S100Z: variants seen among roughly 807,000 people sequenced by gnomAD.
S100Z encodes S100 calcium binding protein Z.
A neutral mutation model predicts 8.5 loss-of-function variants in S100Z; 11 were observed. That is an observed-to-expected ratio of 1.30 (90% confidence interval 0.82 to 2.15). S100Z has a LOEUF of 2.15. Among genes scored for constraint, S100Z ranks in the 30% most tolerant of loss-of-function variants. The pLI is 0.00. For missense variants in S100Z, 126 were observed against 117.9 expected (o/e 1.07, Z -0.32); for synonymous variants, 34 against 43.8 (o/e 0.78, Z 0.89).
chr5:76,950,841 C>G, the S100Z span, among the ~76,000 whole-genome samples: 3 of 152,210 alleles, frequency 2.0e-5, no homozygotes, highest in Non-Finnish European at 4.4e-5. Flanking sequence ...AGTCTTCACA[C>G]ATAGGCCTAC....
intron 4 of S100Z, among the ~76,000 whole-genome samples, chr5:76,915,054 C>T (rs1157323605): frequency 6.6e-6 from 1 of 152,156 alleles, no homozygotes; most frequent in Non-Finnish European, 1.5e-5. Context: ...GCCTGCAATC[C>T]CAGCACTTTG....
At chr5:76,944,100 A>G in the S100Z span, among the ~76,000 whole-genome samples, 1 of 151,276 alleles carries the variant, frequency 6.6e-6, no homozygotes, top group Non-Finnish European at 1.5e-5. Context: ...CTTGCTCCCC[A>G]CCTTGTGCTG....
intron 4 of S100Z, among the ~76,000 whole-genome samples, chr5:76,901,167 G>T (rs1744214525): frequency 6.6e-6 from 1 of 150,978 alleles, no homozygotes; most frequent in African/African-American, 2.4e-5. Flanking sequence ...GACTGTGCTG[G>T]GTCAAACCTG....
chr5:76,878,462 G>C (rs563720976), intron 4 of S100Z, among the ~76,000 whole-genome samples: 2 of 152,166 alleles, frequency 1.3e-5, no homozygotes, highest in Non-Finnish European at 2.9e-5. Context: ...ATTTCCCACT[G>C]TTTCCCCCTG....
chr5:76,855,494 T>A (rs77517580), intron 1 of S100Z, among the ~76,000 whole-genome samples: 4,936 of 152,244 alleles, frequency 0.032, 125 homozygotes, highest in African/African-American at 0.069. Flanking sequence ...AGAGATTATT[T>A]TGGAGCTTTA....
At chr5:76,854,355 C>A (rs1263700399) in intron 1 of S100Z, among the ~76,000 whole-genome samples, 1 of 152,036 alleles carries the variant, frequency 6.6e-6, no homozygotes, top group Admixed American at 6.6e-5. Flanking sequence ...TGGTAGTGAC[C>A]AAAATGCTGA....
At chr5:76,944,529 G>T in the S100Z span, among the ~76,000 whole-genome samples, 6 of 152,198 alleles carry the variant, frequency 3.9e-5, no homozygotes, top group Admixed American at 3.3e-4. Flanking sequence ...AAAGAAGGAA[G>T]GAGGGTGGGT....
chr5:76,944,007 GTTT>G, the S100Z span, among the ~76,000 whole-genome samples: 1 of 150,280 alleles, frequency 6.7e-6, no homozygotes, highest in Non-Finnish European at 1.5e-5. Context: ...TCATGACTGA[GTTT>G]TTTTTTTGGC....
intron 1 of S100Z, among the ~76,000 whole-genome samples, chr5:76,863,207 C>G (rs1751117654): frequency 6.6e-6 from 1 of 152,208 alleles, no homozygotes; most frequent in African/African-American, 2.4e-5. Context: ...AGTCAAGGCT[C>G]TCCTTGAACT....
intron 4 of S100Z, among the ~76,000 whole-genome samples, chr5:76,883,114 C>A (rs1276335002): frequency 2.6e-5 from 4 of 152,038 alleles, no homozygotes; most frequent in Non-Finnish European, 5.9e-5. Context: ...CCTTTTAAAG[C>A]ATGCTGTGGG....
chr5:76,933,664 TA>T, the S100Z span, among the ~76,000 whole-genome samples: 1 of 152,260 alleles, frequency 6.6e-6, no homozygotes, highest in Non-Finnish European at 1.5e-5. Flanking sequence ...TTATTGTTCC[TA>T]TTTTTTAAGA....
chr5:76,867,000 C>T (rs1460864683), intron 1 of S100Z, among the ~76,000 whole-genome samples: 1 of 152,040 alleles, frequency 6.6e-6, no homozygotes, highest in Non-Finnish European at 1.5e-5. Context: ...ATGATTTTAT[C>T]TTTTGTCAGA....
chr5:76,921,226 T>A lies in S100Z; in HGVS notation c.*512T>A, dbSNP rs546751516. ...CCAGCTTAATAAATATACAACTGTA[T>A]TATTATTTTTGTCTGAATAGTATTT... On this transcript the variant is annotated 3_prime_UTR_variant, in exon 5 of 5. Transcript: ENST00000317593. 6 of 152,336 alleles carry A rather than the reference T, an allele frequency of 3.9e-5. No individual in the cohort carries two copies. Among genetic ancestry groups the A allele is most frequent in the Middle Eastern group, 6.8e-3 (2 of 294 alleles). 9.4% of individuals were successfully genotyped at this position (152,336 alleles called of 1,614,324 possible).
chr5:76,876,474 T>C (rs1461542328), intron 3 of S100Z, among the ~76,000 whole-genome samples: 1 of 151,968 alleles, frequency 6.6e-6, no homozygotes, highest in African/African-American at 2.4e-5. Context: ...GTTCGAGTGA[T>C]TCTTGTGCCT....
chr5:76,934,088 G>A, the S100Z span, among the ~76,000 whole-genome samples: 5 of 152,154 alleles, frequency 3.3e-5, no homozygotes. Context: ...ACTTGCCCAG[G>A]ACCACAGAAG....
At chr5:76,866,392 G>A (rs1742736342) in intron 1 of S100Z, among the ~76,000 whole-genome samples, 1 of 152,060 alleles carries the variant, frequency 6.6e-6, no homozygotes. Context: ...GCCATGAAAA[G>A]TATTATAAAA....
intron 1 of S100Z, among the ~76,000 whole-genome samples, chr5:76,855,256 A>G (rs1290083131): frequency 6.6e-6 from 1 of 152,214 alleles, no homozygotes; most frequent in East Asian, 1.9e-4. Context: ...GAGCTATGAG[A>G]AGAGGGCCAT....
the S100Z span, among the ~76,000 whole-genome samples, chr5:76,937,888 C>T: frequency 6.6e-6 from 1 of 151,554 alleles, no homozygotes; most frequent in Non-Finnish European, 1.5e-5. Flanking sequence ...TTATAGAGGT[C>T]AAGAGTTCAA....
intron 4 of S100Z, among the ~76,000 whole-genome samples, chr5:76,880,436 T>G (rs1044121167): frequency 6.6e-6 from 1 of 152,138 alleles, no homozygotes; most frequent in African/African-American, 2.4e-5. Flanking sequence ...TGGGTGATGT[T>G]TCTCAGGGCT....
Sources: allele counts gnomAD v4.1 joint callset (sites outside exome capture counted in the v4.1 genomes callset), GRCh38; gene constraint gnomAD v4.1.1; transcripts MANE v1.5; gene names NCBI Gene and HGNC (gene_info 2026-07-23, HGNC 2026-07-21).